The following TMCO6 variants were observed in gnomAD, a reference collection of about 807,000 sequenced individuals.
The protein encoded by TMCO6 is transmembrane and coiled-coil domain-containing protein 6.
In TMCO6, 47 loss-of-function variants were observed where a neutral mutation model predicts 61.8. The ratio of observed to expected loss-of-function variants is 0.76; its 90% CI spans 0.60 to 0.97. The LOEUF (loss-of-function observed/expected upper bound fraction) is 0.97, where lower values mean the gene tolerates loss of function less well. Among genes scored for constraint, TMCO6 ranks in the 50% least tolerant of loss-of-function variants. The pLI is 0.00. For missense variants in TMCO6, 557 were observed against 601.6 expected (o/e 0.93, Z 0.78); for synonymous variants, 261 against 254.2 (o/e 1.03, Z -0.25).
At chr5:140,633,443 C>A in the TMCO6 span, 1 of 432,310 alleles carries the variant, frequency 2.3e-6, no homozygotes, top group East Asian at 5.0e-5. Context: ...GAGCCTAAGC[C>A]TTCTCTGGTG....
chr5:140,646,292 T>A (rs1376319126), downstream of TMCO6, among the ~76,000 whole-genome samples: 1 of 152,120 alleles, frequency 6.6e-6, no homozygotes, highest in Non-Finnish European at 1.5e-5. Context: ...ATTACAGGCG[T>A]GAACCACCGC....
chr5:140,616,551 C>A, the TMCO6 span, among the ~76,000 whole-genome samples: 601 of 152,012 alleles, frequency 4.0e-3, 6 homozygotes, highest in Admixed American at 0.021. Flanking sequence ...GACAGAGAGA[C>A]CTTGTCTCTA....
chr5:140,632,314 T>C, the TMCO6 span: 1 of 1,614,034 alleles, frequency 6.2e-7, no homozygotes, highest in Non-Finnish European at 8.5e-7. This position sits in a 1 kb window ranked among gnomAD's most constrained non-coding sequence, Gnocchi z 6.2. Context: ...AGATTCTGGA[T>C]GGCCGGGAAC....
downstream of TMCO6, among the ~76,000 whole-genome samples, chr5:140,646,249 G>A (rs1339694125): frequency 6.6e-6 from 1 of 152,116 alleles, no homozygotes; most frequent in African/African-American, 2.4e-5. Flanking sequence ...GACCTCAGGT[G>A]ATCCACCTGC....
chr5:140,605,417 C>T, the TMCO6 span, among the ~76,000 whole-genome samples: 16 of 152,030 alleles, frequency 1.1e-4, no homozygotes, highest in Admixed American at 9.8e-4. Context: ...TGGTGGTTCA[C>T]GCCTGTAATC....
chr5:140,626,388 T>C, the TMCO6 span, among the ~76,000 whole-genome samples: 1 of 152,104 alleles, frequency 6.6e-6, no homozygotes, highest in Non-Finnish European at 1.5e-5. Context: ...AAACCTTTTA[T>C]TACCCTTTAT....
chr5:140,646,466 T>C (rs571331601), downstream of TMCO6, among the ~76,000 whole-genome samples: 5 of 152,306 alleles, frequency 3.3e-5, no homozygotes, highest in East Asian at 9.7e-4. Flanking sequence ...TAATGTCTAC[T>C]GTGTCTCACA....
At position 140,642,582 on chromosome 5, in the gene TMCO6, C is replaced by G; in HGVS notation, c.604-4C>G. 6.2e-7 allele frequency: 1 copy of G among 1,614,222 alleles called. No homozygotes were observed. Among genetic ancestry groups the G allele is most frequent in the Non-Finnish European group, 8.5e-7 (1 of 1,180,030 alleles). On this transcript the variant is annotated splice_polypyrimidine_tract_variant and splice_region_variant and intron_variant, in intron 5 of 11. Coordinates refer to ENST00000394671, the MANE Select transcript of TMCO6 (RefSeq NM_018502.5). Reference sequence around the variant, plus strand: ...AGTCAGATCCTTACCCTGTCTACTTCCAGTCCCCCCATGTGGCTGTGCTGG... The same window carrying G: ...AGTCAGATCCTTACCCTGTCTACTTGCAGTCCCCCCATGTGGCTGTGCTGG...
the TMCO6 span, among the ~76,000 whole-genome samples, chr5:140,598,674 C>T: frequency 6.6e-6 from 1 of 152,226 alleles, no homozygotes; most frequent in Non-Finnish European, 1.5e-5. Flanking sequence ...GTGGCTTACG[C>T]CCGTAATCCC....
chr5:140,625,461 A>G, the TMCO6 span, among the ~76,000 whole-genome samples: 1 of 152,288 alleles, frequency 6.6e-6, no homozygotes, highest in East Asian at 1.9e-4. Flanking sequence ...GCAGATAACT[A>G]CAAGGCTCAC....
At chr5:140,603,929 G>A in the TMCO6 span, among the ~76,000 whole-genome samples, 3 of 152,158 alleles carry the variant, frequency 2.0e-5, no homozygotes, top group African/African-American at 7.2e-5. Context: ...TGTTTCCAGA[G>A]TAGCTGCACC....
chr5:140,644,065 G>T (rs377261522), intron 9 of TMCO6, 35 bp from the exon 10 acceptor site: 2 of 1,613,430 alleles, frequency 1.2e-6, no homozygotes, highest in East Asian at 2.2e-5. Flanking sequence ...GGTGGTGGGG[G>T]AAAGCAGTTT....
At chr5:140,607,795 T>TC in the TMCO6 span, among the ~76,000 whole-genome samples, 1 of 150,844 alleles carries the variant, frequency 6.6e-6, no homozygotes, top group Non-Finnish European at 1.5e-5. Context: ...TATTTTCTTT[T>TC]TTTTTTTTTT....
the TMCO6 span, among the ~76,000 whole-genome samples, chr5:140,621,652 C>T: frequency 2.0e-5 from 3 of 152,104 alleles, no homozygotes; most frequent in Non-Finnish European, 2.9e-5. Context: ...AAACTCTGAC[C>T]GCCGGTGAGC....
the TMCO6 span, chr5:140,632,008 G>A: frequency 2.5e-6 from 4 of 1,614,198 alleles, no homozygotes; most frequent in Non-Finnish European, 3.4e-6. The surrounding 1 kb of genome is among the most constrained non-coding windows in gnomAD (Gnocchi z 6.2). Flanking sequence ...TTCCCGTCCA[G>A]TGTCAGGTTA....
chr5:140,614,554 G>A, the TMCO6 span, among the ~76,000 whole-genome samples: 1 of 151,954 alleles, frequency 6.6e-6, no homozygotes, highest in Admixed American at 6.6e-5. Context: ...ATACTCACTG[G>A]TAAGAAATTG....
At chr5:140,618,772 G>A in the TMCO6 span, among the ~76,000 whole-genome samples, 422 of 151,976 alleles carry the variant, frequency 2.8e-3, 1 homozygote, top group Middle Eastern at 0.014. Flanking sequence ...AAATCCACAT[G>A]CAAAAACATG....
chr5:140,607,112 A>C, the TMCO6 span, among the ~76,000 whole-genome samples: 4 of 152,314 alleles, frequency 2.6e-5, no homozygotes, highest in South Asian at 8.3e-4. Flanking sequence ...TTGCATTCAC[A>C]ATATTGTGCA....
At chr5:140,628,372 G>C in the TMCO6 span, among the ~76,000 whole-genome samples, 1 of 151,988 alleles carries the variant, frequency 6.6e-6, no homozygotes, top group Non-Finnish European at 1.5e-5. Flanking sequence ...ATTTTATCCA[G>C]CCCCTGTTCA....
Sources: gnomAD v4.1 joint callset for allele counts (sites outside exome capture counted in the v4.1 genomes callset) on GRCh38, gnomAD v4.1.1 for gene constraint, Gnocchi (gnomAD v3.1) non-coding constraint, MANE v1.5 for transcripts, NCBI Gene and HGNC (gene_info 2026-07-23, HGNC 2026-07-21) for gene names.